PCCA: variants seen among roughly 807,000 people sequenced by gnomAD.
PCCA encodes the protein propionyl-CoA carboxylase subunit alpha.
In PCCA, 74 loss-of-function variants were observed where a neutral mutation model predicts 101.3. The ratio of observed to expected loss-of-function variants is 0.73; its 90% CI spans 0.61 to 0.89. The LOEUF (loss-of-function observed/expected upper bound fraction) is 0.89, where lower values mean the gene tolerates loss of function less well. PCCA is among the 40% of genes least tolerant of loss of function. The probability of loss-of-function intolerance (pLI) is 0.00; values close to 1 mark genes in which losing one functional copy is unlikely to be tolerated. For synonymous variants in PCCA, 294 were observed against 313.6 expected (o/e 0.94, Z 0.66); for missense variants, 891 against 907.0 (o/e 0.98, Z 0.23).
At chr13:100,171,901 A>G (rs1460966099) in intron 6 of PCCA, among the ~76,000 whole-genome samples, 4 of 151,962 alleles carry the variant, frequency 2.6e-5, no homozygotes, top group African/African-American at 4.8e-5. Context: ...GCGTGGTGGC[A>G]GGCACCTGTA....
intron 8 of PCCA, among the ~76,000 whole-genome samples, chr13:100,256,314 C>G (rs532286091): frequency 6.6e-6 from 1 of 152,080 alleles, no homozygotes; most frequent in Non-Finnish European, 1.5e-5. Flanking sequence ...CTAAATGGCC[C>G]TTCTGATAAT....
chr13:100,232,220 T>C (rs2152515564), intron 7 of PCCA, among the ~76,000 whole-genome samples: 1 of 152,296 alleles, frequency 6.6e-6, no homozygotes, highest in East Asian at 1.9e-4. Flanking sequence ...TTTAGCTGCC[T>C]GATATTCTTT....
chr13:100,112,429 A>G (rs776995626), intron 4 of PCCA, among the ~76,000 whole-genome samples: 3 of 152,190 alleles, frequency 2.0e-5, no homozygotes. Flanking sequence ...GAATGCTACA[A>G]TTGTTTAACC....
At chr13:100,293,548 A>G (rs2065294488) in intron 12 of PCCA, among the ~76,000 whole-genome samples, 1 of 152,156 alleles carries the variant, frequency 6.6e-6, no homozygotes, top group Non-Finnish European at 1.5e-5. Flanking sequence ...ATGGAATTGG[A>G]GTGTTTGATA....
In PCCA at chr13:100,262,821, T is replaced by C. The variant is rs773749632; in HGVS notation, c.809T>C (p.Ile270Thr). ...IEKFIDNPRH[I>T]EIQVLGDKHG... ...AAATTTATTGATAATCCTCGTCATATAGAAATCCAGGTTGGTACATTTAAG... is the reference window on the plus strand; with the variant it reads ...AAATTTATTGATAATCCTCGTCATACAGAAATCCAGGTTGGTACATTTAAG... The change falls in exon 10 of 24, where the codon ATA becomes ACA. Residue 270 changes from isoleucine to threonine, a missense_variant. Transcript: ENST00000376285. The C allele has an allele frequency of 7.9e-6, 11 of 1,390,238 alleles. No individual in the cohort carries two copies. Among genetic ancestry groups the C allele is most frequent in the Middle Eastern group, 1.8e-4 (1 of 5,514 alleles). 86.1% of individuals were successfully genotyped at this position (1,390,238 alleles called of 1,614,324 possible). A position where few individuals can be genotyped will look rare whatever the true frequency, so the allele number is the denominator to read the frequency against.
intron 6 of PCCA, among the ~76,000 whole-genome samples, chr13:100,166,286 T>C (rs2055026428): frequency 6.6e-6 from 1 of 152,196 alleles, no homozygotes; most frequent in Admixed American, 6.5e-5. Flanking sequence ...TTGATGCATG[T>C]AATTGTGTCA....
intron 19 of PCCA, among the ~76,000 whole-genome samples, chr13:100,381,903 G>A (rs750376362): frequency 1.9e-4 from 29 of 152,222 alleles, no homozygotes; most frequent in African/African-American, 6.5e-4. Context: ...GCTTTTGGGC[G>A]CCAGCAGGAG....
At chr13:100,200,170 T>C (rs2058382148) in intron 6 of PCCA, among the ~76,000 whole-genome samples, 1 of 152,170 alleles carries the variant, frequency 6.6e-6, no homozygotes, top group African/African-American at 2.4e-5. Context: ...AGTGGCGCAA[T>C]CTTGGCTCAC....
intron 12 of PCCA, among the ~76,000 whole-genome samples, chr13:100,286,086 G>A (rs183989994): frequency 6.6e-6 from 1 of 150,434 alleles, no homozygotes; most frequent in East Asian, 1.9e-4. Flanking sequence ...GCATGTGTGT[G>A]GGGGGGAAGC....
chr13:100,285,128 C>T (rs911165618), intron 12 of PCCA, among the ~76,000 whole-genome samples: 1 of 152,216 alleles, frequency 6.6e-6, no homozygotes, highest in Non-Finnish European at 1.5e-5. Flanking sequence ...CTGGCTTATC[C>T]TTGCCCTCAG....
chr13:100,130,061 G>T (rs917996118), intron 4 of PCCA, among the ~76,000 whole-genome samples: 3 of 152,060 alleles, frequency 2.0e-5, no homozygotes, highest in African/African-American at 7.2e-5. Context: ...CTTTTTTTGT[G>T]CTAAATTTAT....
At chr13:100,448,493 A>G (rs1208849113) in intron 20 of PCCA, among the ~76,000 whole-genome samples, 1 of 152,172 alleles carries the variant, frequency 6.6e-6, no homozygotes, top group Non-Finnish European at 1.5e-5. Context: ...GCCTGGCCCA[A>G]CAGACCAGTT....
At chr13:100,409,770 GTTTA>G (rs891432395) in intron 19 of PCCA, among the ~76,000 whole-genome samples, 4 of 152,036 alleles carry the variant, frequency 2.6e-5, no homozygotes, top group Non-Finnish European at 5.9e-5. Context: ...ACCCCCACTC[GTTTA>G]TTTATTTTTT....
At chr13:100,298,334 G>A (rs1304385800) in intron 12 of PCCA, among the ~76,000 whole-genome samples, 1 of 152,052 alleles carries the variant, frequency 6.6e-6, no homozygotes, top group Non-Finnish European at 1.5e-5. Context: ...AGGACATATG[G>A]GCATCCTAAT....
intron 4 of PCCA, among the ~76,000 whole-genome samples, chr13:100,137,878 T>C (rs2051379376): frequency 6.6e-6 from 1 of 151,768 alleles, no homozygotes; most frequent in African/African-American, 2.4e-5. Context: ...GGCGCGATTA[T>C]GGCCCACTGC....
intron 4 of PCCA, among the ~76,000 whole-genome samples, chr13:100,135,080 T>G (rs942665010): frequency 1.3e-5 from 2 of 151,968 alleles, no homozygotes; most frequent in Admixed American, 6.6e-5. Flanking sequence ...AAGTGTAATT[T>G]TTTTTTGGAG....
intron 8 of PCCA, among the ~76,000 whole-genome samples, chr13:100,245,073 C>A (rs2152537374): frequency 6.6e-6 from 1 of 152,072 alleles, no homozygotes; most frequent in South Asian, 2.1e-4. Context: ...TGCATCACCT[C>A]AGTCTGAGGT....
intron 6 of PCCA, among the ~76,000 whole-genome samples, chr13:100,183,708 G>T (rs2057001652): frequency 6.6e-6 from 1 of 152,146 alleles, no homozygotes; most frequent in Admixed American, 6.5e-5. Flanking sequence ...AGAAAAAGGG[G>T]TGCTGCATTG....
intron 20 of PCCA, among the ~76,000 whole-genome samples, chr13:100,440,211 A>T (rs74113904): frequency 4.5e-4 from 48 of 106,260 alleles, no homozygotes; most frequent in African/African-American, 1.6e-3. Flanking sequence ...TATATATATA[A>T]AACGTGATAA....
Sources: gnomAD v4.1 joint callset for allele counts (sites outside exome capture counted in the v4.1 genomes callset) on GRCh38, gnomAD v4.1.1 for gene constraint, MANE v1.5 for transcripts, NCBI Gene and HGNC (gene_info 2026-07-23, HGNC 2026-07-21) for gene names.